CLEC16A: variants seen among roughly 807,000 people sequenced by gnomAD.
The protein encoded by CLEC16A is C-type lectin domain containing 16A.
Under a neutral mutation model 109.5 loss-of-function variants are expected in CLEC16A, and 51 were observed. The ratio of observed to expected loss-of-function variants is 0.47; its 90% CI spans 0.37 to 0.59. The LOEUF (loss-of-function observed/expected upper bound fraction) is 0.59, where lower values mean the gene tolerates loss of function less well. CLEC16A is among the 20% of genes least tolerant of loss of function. CLEC16A has a pLI of 0.00. For synonymous variants in CLEC16A, 673 were observed against 564.2 expected, an observed-to-expected ratio of 1.19 and a Z score of -2.73; for missense variants, 1,339 against 1,394.0, an observed-to-expected ratio of 0.96 and a Z score of 0.63.
intron 22 of CLEC16A, among the ~76,000 whole-genome samples, chr16:11,163,205 A>T (rs555827605): frequency 6.6e-6 from 1 of 152,150 alleles, no homozygotes; most frequent in Non-Finnish European, 1.5e-5. Context: ...TTCACCCTGA[A>T]TTCTCCCCAG....
At chr16:11,037,796 A>G (rs990741439) in intron 13 of CLEC16A, among the ~76,000 whole-genome samples, 1 of 36,012 alleles carries the variant, frequency 2.8e-5, no homozygotes, top group Non-Finnish European at 6.4e-5. Context: ...CCCCACCCCC[A>G]CCCCCAGAAC....
Position 11,178,571 on chromosome 16 carries a change from C to A in CLEC16A, c.3043C>A (p.Pro1015Thr), listed in dbSNP as rs761930948. The change falls in exon 24 of 24, where the codon CCC (proline) becomes ACC (threonine). Residue 1015 changes from proline (P) to threonine (T), a missense_variant. Pro to Thr is a conservative substitution (Grantham distance 38, BLOSUM62 -1). Around this residue, in one of 3 missense-constraint regions of CLEC16A, gnomAD observed 1,061 missense variants for 1,006.8 expected, o/e 1.05. Transcript: ENST00000409790. The surrounding 1 kb of genome is among the most constrained non-coding windows in gnomAD (Gnocchi z 6.5). The part of the protein sequence containing the change: ...ESLTLVPPVD[P>T]HSLRSLTGMP... ...GCTGACCCTTGTCCCCCCAGTTGAC[C>A]CCCACAGCCTCCGCAGCCTCACCGG... The A allele has an allele frequency of 1.2e-6, 2 of 1,611,670 alleles. No individual in the cohort carries two copies. The highest frequency in any genetic ancestry group is 2.2e-5 in the East Asian group (1 of 44,874).
chr16:10,980,272 C>T lies in CLEC16A; in HGVS notation c.957+890C>T, dbSNP rs1048915782. Among the ~76,000 whole-genome samples, 13 of 152,330 alleles carry T rather than the reference C, an allele frequency of 8.5e-5. No individual in the cohort carries two copies. In the South Asian group the frequency reaches 1.2e-3, roughly 15 times the overall value. On this transcript the variant is annotated intron_variant, in intron 9 of 23. Coordinates refer to ENST00000409790, the MANE Select transcript of CLEC16A (RefSeq NM_015226.3). The stretch of plus-strand genomic sequence containing the variant: ...CCGGACATGTCCTGACCATCACTCA[C>T]AGCCCAGAGTCCTATTCTGGGGCTA...
At chr16:11,136,434 G>T (rs531792888) in intron 22 of CLEC16A, among the ~76,000 whole-genome samples, 7 of 152,220 alleles carry the variant, frequency 4.6e-5, no homozygotes, top group Non-Finnish European at 1.0e-4. Flanking sequence ...TATAAAACGT[G>T]CAGCAAAGGT....
chr16:11,121,705 C>A (rs1048253369), intron 20 of CLEC16A, among the ~76,000 whole-genome samples: 4 of 151,362 alleles, frequency 2.6e-5, no homozygotes, highest in Non-Finnish European at 5.9e-5. Flanking sequence ...CATGGTGAAA[C>A]CCCGTCTCTA....
intron 22 of CLEC16A, among the ~76,000 whole-genome samples, chr16:11,128,658 A>G (rs1352623772): frequency 1.3e-5 from 2 of 152,186 alleles, no homozygotes; most frequent in Non-Finnish European, 2.9e-5. Context: ...CCTGAAGAGC[A>G]AGTTGAAATC....
At chr16:10,999,692 G>A (rs1053971462) in intron 10 of CLEC16A, among the ~76,000 whole-genome samples, 1 of 152,140 alleles carries the variant, frequency 6.6e-6, no homozygotes, top group Non-Finnish European at 1.5e-5. Flanking sequence ...CCTGATCACT[G>A]AGAAAAGTAG....
At chr16:11,022,903 AT>A (rs1567208059) in intron 12 of CLEC16A, among the ~76,000 whole-genome samples, 1,799 of 37,042 alleles carry the variant, frequency 0.049, 47 homozygotes, top group African/African-American at 0.29. Context: ...CATCTCAAAA[AT>A]ATATATATAT....
intron 19 of CLEC16A, among the ~76,000 whole-genome samples, chr16:11,089,584 C>A (rs771825780): frequency 5.9e-5 from 9 of 152,068 alleles, no homozygotes; most frequent in Non-Finnish European, 1.2e-4. Context: ...TCCCCTCTGT[C>A]CCACACTGGC....
chr16:10,975,893 C>G (rs924056389), intron 7 of CLEC16A, among the ~76,000 whole-genome samples: 1 of 152,126 alleles, frequency 6.6e-6, no homozygotes, highest in Non-Finnish European at 1.5e-5. Flanking sequence ...CTAAAGCAAT[C>G]TGCCTGCCTT....
chr16:11,062,317 A>T (rs1199307317), intron 19 of CLEC16A, among the ~76,000 whole-genome samples: 1 of 152,212 alleles, frequency 6.6e-6, no homozygotes, highest in Non-Finnish European at 1.5e-5. Flanking sequence ...GATATAATTT[A>T]TATACAAAAA....
At chr16:11,002,500 A>G (rs1334534430) in intron 10 of CLEC16A, among the ~76,000 whole-genome samples, 3 of 152,204 alleles carry the variant, frequency 2.0e-5, no homozygotes, top group Non-Finnish European at 2.9e-5. Context: ...TTATTAAAAT[A>G]TGTTTTTATT....
chr16:11,001,144 G>C (rs1227578572), intron 10 of CLEC16A, among the ~76,000 whole-genome samples: 1 of 151,910 alleles, frequency 6.6e-6, no homozygotes, highest in African/African-American at 2.4e-5. Context: ...TCCTGGGCTA[G>C]AGTGCAGTGG....
At chr16:11,056,500 G>A (rs2048221695) in intron 18 of CLEC16A, 1 of 152,136 alleles carries the variant, frequency 6.6e-6, no homozygotes, top group Non-Finnish European at 1.5e-5. Context: ...ATTTTTTGGT[G>A]AATATCAAAA....
At chr16:11,099,203 C>G (rs547045142) in intron 19 of CLEC16A, among the ~76,000 whole-genome samples, 2 of 152,214 alleles carry the variant, frequency 1.3e-5, no homozygotes, top group African/African-American at 4.8e-5. Context: ...TTTGCCAGGA[C>G]AGGTCATTCT....
chr16:11,017,999 TAAAAAAA>T lies in CLEC16A; in HGVS notation c.1304-2183_1304-2177del, dbSNP rs34526192. ...TTAATAACAATTTTTAAAGAGGTATTAAAAAAAAAAAAAAAAAGGCAGGTGAAGGCCG... is the reference window on the plus strand; with the variant it reads ...TTAATAACAATTTTTAAAGAGGTATTAAAAAAAAAAGGCAGGTGAAGGCCG... On this transcript the variant is annotated intron_variant, in intron 11 of 23. Coordinates refer to ENST00000409790, the MANE Select transcript of CLEC16A (RefSeq NM_015226.3). 4.0e-3 allele frequency among the ~76,000 whole-genome samples: 562 copies of T among 138,824 alleles called. 3 individuals are homozygous for T. Among genetic ancestry groups the T allele is most frequent in the Admixed American group, 5.5e-3 (76 of 13,824 alleles). 91.1% of individuals were successfully genotyped at this position (138,824 alleles called of 152,430 possible). A position where few individuals can be genotyped will look rare whatever the true frequency, so the allele number is the denominator to read the frequency against.
Position 11,166,415 on chromosome 16 carries a change from A to C in CLEC16A, c.2669A>C (p.Gln890Pro), listed in dbSNP as rs2068262689. ...TTCGCCGTGGCCCAGTGCATAAACC[A>C]GCACAGCTCCCCGTCCCTGTCCTCA... ...PGFAVAQCIN[Q>P]HSSPSLSSQS... The change falls in exon 23 of 24, where the codon CAG becomes CCG. Residue 890 changes from glutamine (Q) to proline (P), a missense_variant. By Grantham distance (76) the Gln-to-Pro change is moderately conservative. Around this residue, in one of 3 missense-constraint regions of CLEC16A, gnomAD observed 1,061 missense variants for 1,006.8 expected, o/e 1.05. Coordinates refer to ENST00000409790, the MANE Select transcript of CLEC16A (RefSeq NM_015226.3). 6.2e-7 allele frequency: 1 copy of C among 1,605,378 alleles called. No homozygotes were observed. Among genetic ancestry groups the C allele is most frequent in the African/African-American group, 1.3e-5 (1 of 75,014 alleles).
At chr16:11,053,620 C>T (rs1043611848) in intron 18 of CLEC16A, among the ~76,000 whole-genome samples, 1 of 152,174 alleles carries the variant, frequency 6.6e-6, no homozygotes, top group African/African-American at 2.4e-5. Context: ...ATCCGCCCAC[C>T]TCGGCCTCTC....
intron 22 of CLEC16A, chr16:11,150,186 C>G (rs2054239569): frequency 6.6e-6 from 1 of 152,186 alleles, no homozygotes; most frequent in African/African-American, 2.4e-5. Context: ...CCCTACATGG[C>G]CTTTTACCTC....
Sources: allele counts gnomAD v4.1 joint callset (sites outside exome capture counted in the v4.1 genomes callset), GRCh38; gene constraint gnomAD v4.1.1; regional missense constraint gnomAD v4.1.1; non-coding constraint Gnocchi (gnomAD v3.1); transcripts MANE v1.5; gene names NCBI Gene and HGNC (gene_info 2026-07-23, HGNC 2026-07-21).